Variants in SPINK5 observed in about 807,000 individuals in gnomAD.
SPINK5 encodes the protein serine protease inhibitor Kazal-type 5.
Under a neutral mutation model 151.8 loss-of-function variants are expected in SPINK5, and 125 were observed. The ratio of observed to expected loss-of-function variants is 0.82; its 90% confidence interval spans 0.71 to 0.96. SPINK5 has a LOEUF of 0.96. Ranked by LOEUF, SPINK5 falls within the 40% of genes least tolerant of loss-of-function variation. SPINK5 has a pLI of 0.00. For missense variants in SPINK5, 1,194 were observed against 1,291.9 expected, an observed-to-expected ratio of 0.92 and a Z score of 1.16; for synonymous variants, 374 against 395.3, an observed-to-expected ratio of 0.95 and a Z score of 0.64.
At chr5:148,091,304 A>C in intron 8 of SPINK5, 76 bp downstream of exon 8, 1 of 1,217,186 alleles carries the variant, frequency 8.2e-7, no homozygotes, top group Non-Finnish European at 1.2e-6. Context: ...CCTTTGAGTA[A>C]TGAAATAAAG....
intron 26 of SPINK5, among the ~76,000 whole-genome samples, chr5:148,123,445 C>CTATCTATATA (rs1554106812): frequency 3.1e-5 from 4 of 130,352 alleles, no homozygotes; most frequent in African/African-American, 1.2e-4. Context: ...ATCTATCTAT[C>CTATCTATATA]TATATATATA....
intron 4 of SPINK5, among the ~76,000 whole-genome samples, chr5:148,076,272 A>G (rs189174738): frequency 6.6e-6 from 1 of 151,866 alleles, no homozygotes; most frequent in Admixed American, 6.6e-5. Context: ...GGGGAAAAAC[A>G]TAGGAAGCCA....
chr5:148,076,928 G>A (rs2113017950), intron 4 of SPINK5, among the ~76,000 whole-genome samples: 2 of 151,434 alleles, frequency 1.3e-5, no homozygotes. Flanking sequence ...GAAATACAGA[G>A]ACAGACAATA....
chr5:148,112,876 A>C lies in SPINK5; in HGVS notation c.1829A>C (p.Glu610Ala). The change falls in exon 20 of 33, where the codon GAA (glutamate) becomes GCA (alanine). Residue 610 changes from glutamate (E) to alanine (A), a missense_variant. Coordinates refer to ENST00000256084, the MANE Select transcript of SPINK5 (RefSeq NM_006846.4). ...CSMCEAFFQQEAKEKERAEPR... is the reference protein window; with the variant it reads ...CSMCEAFFQQAAKEKERAEPR... ...CCTCCCTTTTCTTATAGCCAGCAAG[A>C]AGCAAAAGAAAAAGAAAGAGCTGAA... The C allele has an allele frequency of 1.9e-6, 3 of 1,613,920 alleles. No individual in the cohort carries two copies. The highest frequency in any genetic ancestry group is 2.5e-6 in the Non-Finnish European group (3 of 1,179,908).
intron 22 of SPINK5, among the ~76,000 whole-genome samples, chr5:148,117,823 C>A (rs1031584525): frequency 6.6e-6 from 1 of 152,124 alleles, no homozygotes; most frequent in Non-Finnish European, 1.5e-5. Flanking sequence ...ACCAATCCCC[C>A]AAGTGTACCA....
Position 148,100,508 on chromosome 5 carries a change from A to G in SPINK5, c.1147A>G (p.Arg383Gly), listed in dbSNP as rs1408637147. The G allele has an allele frequency of 1.2e-6, 2 of 1,613,218 alleles. No individual in the cohort carries two copies. Among genetic ancestry groups the G allele is most frequent in the Non-Finnish European group, 1.7e-6 (2 of 1,179,436 alleles). Reference protein sequence around the residue: ...LVRNGKLACTRENDPIQGPDG... With the variant: ...LVRNGKLACTGENDPIQGPDG... ...GAGGAACGGAAAACTTGCTTGCACC[A>G]GAGAGAACGATCCTATCCAGGGCCC... The change falls in exon 13 of 33, where the codon AGA becomes GGA. Residue 383 changes from arginine (R) to glycine (G), a missense_variant. Arg to Gly is a moderately radical substitution (Grantham distance 125). Coordinates refer to ENST00000256084, the MANE Select transcript of SPINK5 (RefSeq NM_006846.4).
Position 148,101,338 on chromosome 5 carries a change from T to A in SPINK5, c.1221-17T>A. The A allele has an allele frequency of 1.9e-6, 3 of 1,574,308 alleles. No individual in the cohort carries two copies. Among genetic ancestry groups the A allele is most frequent in the Non-Finnish European group, 2.6e-6 (3 of 1,143,646 alleles). On this transcript the variant is annotated splice_polypyrimidine_tract_variant and intron_variant, in intron 13 of 32. Coordinates refer to ENST00000256084, the MANE Select transcript of SPINK5 (RefSeq NM_006846.4). ...TCTATGATTTTTACTTATCTCTTCTTAACCATCCTTTTTTAGCCAAGCAGA... is the reference window on the plus strand; with the variant it reads ...TCTATGATTTTTACTTATCTCTTCTAAACCATCCTTTTTTAGCCAAGCAGA...
chr5:148,071,722 G>A (rs1381301347), intron 3 of SPINK5, among the ~76,000 whole-genome samples: 1 of 151,862 alleles, frequency 6.6e-6, no homozygotes, highest in African/African-American at 2.4e-5. Flanking sequence ...CATAAAAGCT[G>A]TCATCAGATT....
intron 4 of SPINK5, among the ~76,000 whole-genome samples, chr5:148,076,944 G>A (rs1324056765): frequency 6.6e-6 from 1 of 151,078 alleles, no homozygotes; most frequent in Non-Finnish European, 1.5e-5. Flanking sequence ...CAATAGAGAA[G>A]AAAAATGAAC....
chr5:148,133,945 G>GC, intron 32 of SPINK5, 58 bp downstream of exon 32: 3 of 1,572,428 alleles, frequency 1.9e-6, no homozygotes, highest in Non-Finnish European at 2.6e-6. Context: ...CTGGGTTCTG[G>GC]TTTTGTTCTC....
intron 32 of SPINK5, 159 bp downstream of exon 32, chr5:148,134,046 T>G (rs199790928): frequency 2.8e-6 from 2 of 721,774 alleles, no homozygotes; most frequent in Middle Eastern, 2.3e-4. Context: ...TAAGGATAAT[T>G]AAGTAATTAC....
chr5:148,111,886 A>C lies in SPINK5; in HGVS notation c.1811A>C (p.Glu604Ala). 1.2e-6 allele frequency: 2 copies of C among 1,614,020 alleles called. No individual in the cohort carries two copies. Among genetic ancestry groups the C allele is most frequent in the East Asian group, 4.5e-5 (2 of 44,882 alleles). Residue 604 changes from glutamate to alanine, a missense_variant, in exon 19 of 33, where the codon GAA (glutamate) becomes GCA (alanine). By Grantham distance (107) the Glu-to-Ala change is moderately radical. Transcript: ENST00000256084. ...CACGGCAACACCTGCTCCATGTGTGAAGCCTTCTTGTGAGTGGGCGGCAGC... is the reference window on the plus strand; with the variant it reads ...CACGGCAACACCTGCTCCATGTGTGCAGCCTTCTTGTGAGTGGGCGGCAGC... The part of the protein sequence containing the change: ...KIHGNTCSMC[E>A]AFFQQEAKEK...
intron 21 of SPINK5, 23 bp from the exon 22 acceptor site, chr5:148,116,347 A>G: frequency 2.5e-6 from 4 of 1,611,844 alleles, no homozygotes; most frequent in Non-Finnish European, 3.4e-6. Context: ...ATTGTTCCCT[A>G]CCTCCCACTT....
intron 32 of SPINK5, among the ~76,000 whole-genome samples, chr5:148,135,059 T>C (rs1754663876): frequency 6.6e-6 from 1 of 152,068 alleles, no homozygotes. Flanking sequence ...TGGAATGAAA[T>C]CAGAAGACCT....
intron 21 of SPINK5, 114 bp downstream of exon 21, chr5:148,114,603 G>A: frequency 6.8e-7 from 1 of 1,461,408 alleles, no homozygotes. Context: ...GAAACAGAAG[G>A]TTATCTGTAA....
At chr5:148,072,656 A>C (rs1373274659) in intron 4 of SPINK5, among the ~76,000 whole-genome samples, 1 of 151,938 alleles carries the variant, frequency 6.6e-6, no homozygotes, top group Non-Finnish European at 1.5e-5. Context: ...ACCGAATAGA[A>C]ACTAAGTTTT....
chr5:148,082,939 T>C (rs933160034), intron 4 of SPINK5, among the ~76,000 whole-genome samples: 1 of 150,708 alleles, frequency 6.6e-6, no homozygotes, highest in African/African-American at 2.4e-5. Flanking sequence ...TTATTTTCTG[T>C]TTCTTGGTTG....
chr5:148,096,405 C>T (rs887963357), intron 10 of SPINK5, among the ~76,000 whole-genome samples: 3 of 151,920 alleles, frequency 2.0e-5, no homozygotes, highest in Non-Finnish European at 4.4e-5. Context: ...GACGTATTGG[C>T]ATTGTACCTG....
rs1490557744 is a variant in SPINK5 at position 148,070,387 on chromosome 5, A to C, written c.146A>C (p.Lys49Thr). Residue 49 changes from lysine (K) to threonine (T), a missense_variant, in exon 3 of 33, where the codon AAA becomes ACA. By Grantham distance (78) the Lys-to-Thr change is moderately conservative. Transcript: ENST00000256084. ...NGKLFCPQDK[K>T]FFQSLDGIMF... is the part of the protein sequence containing the mutation. ...AAACTGTTCTGTCCCCAGGATAAGA[A>C]ATTTTTTCAAAGTCTTGATGGAATA... 2 of 1,612,782 alleles carry C rather than the reference A, an allele frequency of 1.2e-6. No homozygotes were observed. The highest frequency in any genetic ancestry group is 2.7e-5 in the African/African-American group (2 of 74,840).
Sources: gnomAD v4.1 joint callset for allele counts (sites outside exome capture counted in the v4.1 genomes callset) on GRCh38, gnomAD v4.1.1 for gene constraint, MANE v1.5 for transcripts, NCBI Gene and HGNC (gene_info 2026-07-23, HGNC 2026-07-21) for gene names.